BARD1: variants seen among roughly 807,000 people sequenced by gnomAD.
BARD1 encodes BRCA1-associated RING domain protein 1.
Under a neutral mutation model 77.0 loss-of-function variants are expected in BARD1, and 73 were observed. That is an observed-to-expected ratio of 0.95 (90% CI 0.79 to 1.15). The LOEUF is 1.15. Ranked by LOEUF, BARD1 falls within the 50% of genes most tolerant of loss-of-function variation. The probability of loss-of-function intolerance (pLI) is 0.00; values close to 1 mark genes in which losing one functional copy is unlikely to be tolerated. For synonymous variants in BARD1, 384 were observed against 338.0 expected, an observed-to-expected ratio of 1.14 and a Z score of -1.49; for missense variants, 993 against 938.8, an observed-to-expected ratio of 1.06 and a Z score of -0.75.
rs926769760 is a variant in BARD1 at position 214,725,828 on chromosome 2, A to G, written c.*2848T>C. ...CATTTTAATGTGTTCAGGGTAGGAA[A>G]CAGAATAGACAATTGTGACTGTAAT... is the stretch of plus-strand genomic sequence containing the variant. On this transcript the variant is annotated 3_prime_UTR_variant, in exon 11 of 11. Coordinates refer to ENST00000260947, the MANE Select transcript of BARD1 (RefSeq NM_000465.4). 2 of 221,268 alleles carry G rather than the reference A, an allele frequency of 9.0e-6. No individual in the cohort carries two copies. The highest frequency in any genetic ancestry group is 5.7e-5 in the Admixed American group (1 of 17,430). 13.7% of individuals were successfully genotyped at this position (221,268 alleles called of 1,614,324 possible). A position where few individuals can be genotyped will look rare whatever the true frequency, so the allele number is the denominator to read the frequency against.
At chr2:214,731,008 A>T in intron 9 of BARD1, 1 of 426,348 alleles carries the variant, frequency 2.3e-6, no homozygotes, top group South Asian at 1.7e-5. Context: ...CACCAAGCTC[A>T]GCTAGCCACA....
intron 4 of BARD1, among the ~76,000 whole-genome samples, chr2:214,773,710 T>C (rs776971295): frequency 6.6e-6 from 1 of 152,222 alleles, no homozygotes; most frequent in Non-Finnish European, 1.5e-5. Context: ...TGCTGGTGGA[T>C]GGTCTTGCCT....
chr2:214,728,442 A>G lies in BARD1; in HGVS notation c.*234T>C, dbSNP rs1335175070. 1.8e-6 allele frequency: 1 copy of G among 541,260 alleles called. No individual in the cohort carries two copies. The highest frequency in any genetic ancestry group is 3.3e-6 in the Non-Finnish European group (1 of 304,624). The allele number at this position is 541,260 out of a possible 1,614,324, so 33.5% of individuals were successfully genotyped here. On this transcript the variant is annotated 3_prime_UTR_variant, in exon 11 of 11. Transcript: ENST00000260947. ...TAATCTGAATAGAAAGACATGATAA[A>G]TCAAAAACATGCCAATTTTAAAAAG...
At chr2:214,737,510 A>G (rs1692619377) in intron 9 of BARD1, among the ~76,000 whole-genome samples, 1 of 152,156 alleles carries the variant, frequency 6.6e-6, no homozygotes, top group South Asian at 2.1e-4. Flanking sequence ...CTAACTTGTT[A>G]TCTGAAACTG....
At chr2:214,751,117 GTATATATATATA>G (rs1216095030) in intron 7 of BARD1, among the ~76,000 whole-genome samples, 16 of 16,282 alleles carry the variant, frequency 9.8e-4, no homozygotes, top group African/African-American at 1.4e-3. Context: ...GTGTGTGTGT[GTATATATATATA>G]TATATATATA....
At chr2:214,733,572 C>T (rs1692446921) in intron 9 of BARD1, among the ~76,000 whole-genome samples, 1 of 152,126 alleles carries the variant, frequency 6.6e-6, no homozygotes, top group South Asian at 2.1e-4. Context: ...CAAGAGAAGT[C>T]ATAATCTCTT....
intron 4 of BARD1, among the ~76,000 whole-genome samples, chr2:214,776,559 G>C (rs989770651): frequency 6.6e-6 from 1 of 152,146 alleles, no homozygotes; most frequent in Non-Finnish European, 1.5e-5. Flanking sequence ...ACTGATAGGA[G>C]AGCAGAGAAA....
At chr2:214,731,087 G>A (rs2105991920) in intron 9 of BARD1, 1 of 272,200 alleles carries the variant, frequency 3.7e-6, no homozygotes, top group South Asian at 3.8e-5. Flanking sequence ...CATGTGACAG[G>A]TACACAACTG....
In BARD1 at chr2:214,796,913, G is replaced by C. The variant is rs1574846833; in HGVS notation, c.215+148C>G. 4.3e-6 allele frequency: 3 copies of C among 697,152 alleles called. No homozygotes were observed. The East Asian group carries it at 7.6e-5, about 18-fold the overall frequency. 43.2% of individuals were successfully genotyped at this position (697,152 alleles called of 1,614,324 possible). A position where few individuals can be genotyped will look rare whatever the true frequency, so the allele number is the denominator to read the frequency against. ...TTGTAAATTAAGACACAGTTTTAAA[G>C]ATCAAACTAAGATAATGTACAATAG... On this transcript the variant is annotated intron_variant, in intron 2 of 10. Transcript: ENST00000260947.
rs1417792504 is a variant in BARD1, at chr2:214,760,484, C to T, written c.1568+6998G>A. On this transcript the variant is annotated intron_variant, in intron 6 of 10. Transcript: ENST00000260947. The stretch of plus-strand genomic sequence containing the variant: ...TTGGGATTACAGGCATGAGGCACTG[C>T]GCCAGGCCCATAACTTATTAATAAT... Among the ~76,000 whole-genome samples the T allele has an allele frequency of 4.6e-5, 7 of 152,250 alleles. 1 individual carries two copies. Among genetic ancestry groups the T allele is most frequent in the Middle Eastern group, 6.8e-3 (2 of 294 alleles).
At chr2:214,803,357 T>G (rs1318158156) in intron 1 of BARD1, among the ~76,000 whole-genome samples, 2 of 152,184 alleles carry the variant, frequency 1.3e-5, no homozygotes, top group Non-Finnish European at 2.9e-5. Flanking sequence ...CCTCTTGCAG[T>G]TGAGACAAGA....
chr2:214,774,019 T>C (rs1694632204), intron 4 of BARD1, among the ~76,000 whole-genome samples: 1 of 152,230 alleles, frequency 6.6e-6, no homozygotes, highest in Non-Finnish European at 1.5e-5. Context: ...AGATTCCATC[T>C]GCAGAAACCA....
chr2:214,756,994 A>T (rs1332385824), intron 6 of BARD1, among the ~76,000 whole-genome samples: 6 of 152,098 alleles, frequency 3.9e-5, no homozygotes, highest in Non-Finnish European at 8.8e-5. Context: ...AAATTATAAT[A>T]AATAAATAAA....
intron 9 of BARD1, among the ~76,000 whole-genome samples, chr2:214,742,002 A>G (rs2034252): frequency 1 from 152,318 of 152,330 alleles, 76,153 homozygotes; most frequent in Non-Finnish European, 1. Context: ...ATAAAATTCT[A>G]CTTGAATCTA....
At chr2:214,756,494 AAAG>A (rs1299167077) in intron 6 of BARD1, among the ~76,000 whole-genome samples, 2 of 152,234 alleles carry the variant, frequency 1.3e-5, no homozygotes, top group Admixed American at 1.3e-4. Flanking sequence ...ACCCAGAGGA[AAAG>A]AAGTCATGAT....
rs114802655 is a variant in BARD1 at position 214,757,699 on chromosome 2, T to C, written c.1569-5144A>G. Among the ~76,000 whole-genome samples the C allele has an allele frequency of 4.0e-3, 613 of 152,222 alleles. 2 individuals carry two copies. The highest frequency in any genetic ancestry group is 0.014 in the African/African-American group (564 of 41,534). Reference sequence around the variant, plus strand: ...AAAATAGTCATCATTCAGCAAATACTTTGAAAAAAATGTACCAACAACTTT... The same window carrying C: ...AAAATAGTCATCATTCAGCAAATACCTTGAAAAAAATGTACCAACAACTTT... On this transcript the variant is annotated intron_variant, in intron 6 of 10. Transcript: ENST00000260947.
chr2:214,809,532 C>T lies in BARD1; in HGVS notation c.38G>A (p.Arg13Lys), dbSNP rs587781713. Residue 13 changes from arginine to lysine, a missense_variant, in exon 1 of 11, where the codon AGG (arginine) becomes AAG (lysine). Transcript: ENST00000260947. ...DNRQPRNRQPRIRSGNEPRSA... is the reference protein window; with the variant it reads ...DNRQPRNRQPKIRSGNEPRSA... ...ACGAGGCTCGTTCCCGGAGCGGATC[C>T]TCGGCTGCCGGTTCCTCGGCTGCCG... The T allele has an allele frequency of 4.4e-6, 7 of 1,583,258 alleles. No homozygotes were observed. The highest frequency in any genetic ancestry group is 6.0e-6 in the Non-Finnish European group (7 of 1,166,630).
chr2:214,780,472 T>A, intron 4 of BARD1, 88 bp downstream of exon 4: 1 of 1,113,538 alleles, frequency 9.0e-7, no homozygotes, highest in Non-Finnish European at 1.3e-6. Flanking sequence ...ATTATCCTAG[T>A]AATCCTATGC....
At chr2:214,805,923 G>A (rs962504461) in intron 1 of BARD1, among the ~76,000 whole-genome samples, 1 of 152,168 alleles carries the variant, frequency 6.6e-6, no homozygotes, top group Non-Finnish European at 1.5e-5. Flanking sequence ...TCACAAAACA[G>A]TGTTATATGA....
Sources: allele counts gnomAD v4.1 joint callset (sites outside exome capture counted in the v4.1 genomes callset), GRCh38; gene constraint gnomAD v4.1.1; transcripts MANE v1.5; gene names NCBI Gene and HGNC (gene_info 2026-07-23, HGNC 2026-07-21).